PLEKHA6: variants seen among roughly 807,000 people sequenced by gnomAD.
PLEKHA6 encodes pleckstrin homology domain-containing family A member 6.
Under a neutral mutation model 116.7 loss-of-function variants are expected in PLEKHA6, and 60 were observed. The ratio of observed to expected loss-of-function variants is 0.51; its 90% CI spans 0.42 to 0.64. PLEKHA6 has a LOEUF of 0.64. Among genes scored for constraint, PLEKHA6 ranks in the 30% least tolerant of loss-of-function variants. The pLI is 0.00. For synonymous variants in PLEKHA6, 489 were observed against 556.1 expected (o/e 0.88, Z 1.70); for missense variants, 1,338 against 1,422.7 (o/e 0.94, Z 0.96).
chr1:204,244,804 G>A, intron 15 of PLEKHA6, 60 bp downstream of exon 15: 11 of 1,333,426 alleles, frequency 8.2e-6, no homozygotes, highest in Non-Finnish European at 1.1e-5. Flanking sequence ...TATAGTTTCA[G>A]ACAAACGAGG....
intron 17 of PLEKHA6, among the ~76,000 whole-genome samples, chr1:204,234,977 T>A (rs1216814374): frequency 2.8e-4 from 4 of 14,254 alleles, no homozygotes; most frequent in Non-Finnish European, 4.7e-4. Flanking sequence ...TATATATATA[T>A]ATATATATAT....
intron 1 of PLEKHA6, chr1:204,281,223 C>T (rs1238297918): frequency 6.6e-6 from 1 of 151,722 alleles, no homozygotes; most frequent in Non-Finnish European, 1.5e-5. Flanking sequence ...TAAAAAAAAC[C>T]AAAAACAAAC....
chr1:204,296,502 C>T (rs1238335214), intron 1 of PLEKHA6, among the ~76,000 whole-genome samples: 3 of 152,212 alleles, frequency 2.0e-5, no homozygotes. Context: ...CTCCCCTACT[C>T]GCTTTGCTGT....
intron 5 of PLEKHA6, 128 bp from the exon 6 acceptor site, chr1:204,265,170 G>C (rs1666644839): frequency 1.4e-6 from 1 of 701,400 alleles, no homozygotes; most frequent in Non-Finnish European, 2.6e-6. Context: ...TTCACCTCCT[G>C]TTTGTCAGGC....
intron 2 of PLEKHA6, chr1:204,369,516 T>A (rs1360818462): frequency 7.2e-5 from 11 of 152,232 alleles, no homozygotes; most frequent in Admixed American, 7.2e-4. Flanking sequence ...ATTCTGCCAC[T>A]GTGATGTGCC....
intron 1 of PLEKHA6, among the ~76,000 whole-genome samples, chr1:204,343,540 C>T (rs16853453): frequency 0.065 from 9,949 of 152,192 alleles, 594 homozygotes; most frequent in African/African-American, 0.17. Context: ...GGGTTATACG[C>T]TCTCCCCATA....
rs1242282949 is a variant in PLEKHA6, at chr1:204,241,403, C to T, written c.2381G>A (p.Ser794Asn). The T allele has an allele frequency of 2.5e-6, 4 of 1,611,662 alleles. No individual in the cohort carries two copies. The highest frequency in any genetic ancestry group is 1.7e-6 in the Non-Finnish European group (2 of 1,178,898). ...GGAGGAGAGTCCATTGGTGAGCCCA[C>T]TGGCATTCCTTCTTACCACTGCTGA... ...TPSAVVRRNASGLTNGLSSQE... is the reference protein window; with the variant it reads ...TPSAVVRRNANGLTNGLSSQE... The change falls in exon 17 of 23, where the codon AGT (serine) becomes AAT (asparagine). Residue 794 changes from serine (S) to asparagine (N), a missense_variant. Transcript: ENST00000272203.
At chr1:204,286,139 C>T (rs1669152818) in intron 1 of PLEKHA6, among the ~76,000 whole-genome samples, 1 of 152,200 alleles carries the variant, frequency 6.6e-6, no homozygotes, top group South Asian at 2.1e-4. Flanking sequence ...AAGCAGACAT[C>T]ACAAGAAGCA....
upstream of PLEKHA6, among the ~76,000 whole-genome samples, chr1:204,360,341 T>C (rs934709232): frequency 1.1e-4 from 17 of 151,506 alleles, no homozygotes; most frequent in African/African-American, 4.1e-4. Flanking sequence ...TCTCTAGGTG[T>C]CAAGAGGGCT....
At position 204,240,717 on chromosome 1, in the gene PLEKHA6, G is replaced by A. The variant is rs541610675; in HGVS notation, c.2409+658C>T. Among the ~76,000 whole-genome samples, 8 of 152,232 alleles carry A rather than the reference G, an allele frequency of 5.3e-5. No homozygotes were observed. The South Asian group carries it at 1.5e-3, about 28-fold the overall frequency. The stretch of plus-strand genomic sequence containing the variant: ...ATGTATGATCTCAGGAGATGTGTAT[G>A]GGTTCAAGTTGACAAGGGGTGGACT... On this transcript the variant is annotated intron_variant, in intron 17 of 22. Coordinates refer to ENST00000272203, the MANE Select transcript of PLEKHA6 (RefSeq NM_014935.5).
At chr1:204,297,850 T>C in intron 1 of PLEKHA6, 1 of 977,812 alleles carries the variant, frequency 1.0e-6, no homozygotes, top group East Asian at 1.1e-4. Flanking sequence ...TTTGCAGGTT[T>C]TGGTTGCCCA....
chr1:204,320,338 G>T, intron 1 of PLEKHA6: 1 of 199,622 alleles, frequency 5.0e-6, no homozygotes, highest in Non-Finnish European at 9.0e-6. Flanking sequence ...GAGCATGGGG[G>T]GTGCTTCTTA....
intron 1 of PLEKHA6, among the ~76,000 whole-genome samples, chr1:204,318,328 G>A (rs1671936184): frequency 6.6e-6 from 1 of 152,202 alleles, no homozygotes; most frequent in South Asian, 2.1e-4. Flanking sequence ...ATTCAGCAGG[G>A]TAGGTACTAT....
chr1:204,353,946 G>A (rs1467689329), intron 1 of PLEKHA6, among the ~76,000 whole-genome samples: 1 of 152,172 alleles, frequency 6.6e-6, no homozygotes, highest in Non-Finnish European at 1.5e-5. Context: ...TGGATAGCCT[G>A]GATCCAGTCC....
intron 17 of PLEKHA6, among the ~76,000 whole-genome samples, chr1:204,237,484 G>C (rs1001511973): frequency 4.6e-5 from 7 of 152,328 alleles, no homozygotes; most frequent in Admixed American, 1.3e-4. Context: ...CTCCCATTTG[G>C]CCTGTGCAGA....
At chr1:204,328,248 A>T (rs1330820070) in intron 1 of PLEKHA6, among the ~76,000 whole-genome samples, 1 of 151,044 alleles carries the variant, frequency 6.6e-6, no homozygotes, top group Non-Finnish European at 1.5e-5. Flanking sequence ...ACGCCCAGCT[A>T]ATTTTGTATT....
Position 204,259,229 on chromosome 1 carries a change from G to A in PLEKHA6, c.1007+29C>T, listed in dbSNP as rs757237403. On this transcript the variant is annotated intron_variant, in intron 8 of 22. Transcript: ENST00000272203. This position sits in a 1 kb window ranked among gnomAD's most constrained non-coding sequence, Gnocchi z 4.6. ...ACGCTCTAGCCATAATACCATATCA[G>A]CCCCACCCCAGCCGCCGGCATGCCT... The A allele has an allele frequency of 7.5e-6, 12 of 1,605,964 alleles. No individual in the cohort carries two copies. Among genetic ancestry groups the A allele is most frequent in the Non-Finnish European group, 1.0e-5 (12 of 1,177,130 alleles).
At chr1:204,326,927 A>G in intron 1 of PLEKHA6, 1 of 968,000 alleles carries the variant, frequency 1.0e-6, no homozygotes, top group Non-Finnish European at 1.2e-6. Context: ...CACTGCCCAA[A>G]CCCTGGGGCC....
chr1:204,362,205 G>A (rs1558202481), upstream of PLEKHA6, among the ~76,000 whole-genome samples: 1 of 152,216 alleles, frequency 6.6e-6, no homozygotes. Flanking sequence ...GGATGGACCA[G>A]AGATAATAAA....
Sources: gnomAD v4.1 joint callset for allele counts (sites outside exome capture counted in the v4.1 genomes callset) on GRCh38, gnomAD v4.1.1 for gene constraint, Gnocchi (gnomAD v3.1) non-coding constraint, MANE v1.5 for transcripts, NCBI Gene and HGNC (gene_info 2026-07-23, HGNC 2026-07-21) for gene names.